Variants in PTPRE observed in about 807,000 individuals in gnomAD.
PTPRE encodes protein tyrosine phosphatase receptor type E, also known as receptor-type tyrosine-protein phosphatase epsilon.
In PTPRE, 51 loss-of-function variants were observed where a neutral mutation model predicts 102.0. That is an observed-to-expected ratio of 0.50 (90% CI 0.40 to 0.63). The LOEUF is 0.63. PTPRE is among the 30% of genes least tolerant of loss of function. The pLI is 0.00. For synonymous variants in PTPRE, 345 were observed against 348.2 expected (o/e 0.99, Z 0.10); for missense variants, 752 against 915.1 (o/e 0.82, Z 2.30).
At chr10:127,932,173 GTCC>G (rs1416535310) in intron 1 of PTPRE, among the ~76,000 whole-genome samples, 2 of 152,066 alleles carry the variant, frequency 1.3e-5, no homozygotes, top group Non-Finnish European at 2.9e-5. Context: ...ACTTATGATT[GTCC>G]TCCTCGAATC....
chr10:127,969,427 G>T (rs1850515687), intron 1 of PTPRE, among the ~76,000 whole-genome samples: 1 of 152,142 alleles, frequency 6.6e-6, no homozygotes, highest in African/African-American at 2.4e-5. Flanking sequence ...CAGCACTTTG[G>T]GAGGCTGAGA....
chr10:128,053,716 T>G (rs1230315465), intron 6 of PTPRE, among the ~76,000 whole-genome samples: 3 of 152,214 alleles, frequency 2.0e-5, no homozygotes, highest in Non-Finnish European at 1.5e-5. Flanking sequence ...ATCCTCGCCA[T>G]CCAATCCCTC....
chr10:127,991,547 A>T (rs1852658363), intron 2 of PTPRE, among the ~76,000 whole-genome samples: 1 of 152,202 alleles, frequency 6.6e-6, no homozygotes, highest in African/African-American at 2.4e-5. Flanking sequence ...TGCTCTCTAG[A>T]AAAGGAGCCT....
intron 17 of PTPRE, 119 bp from the exon 18 acceptor site, chr10:128,076,480 GTTTT>G: frequency 5.0e-6 from 4 of 797,922 alleles, no homozygotes; most frequent in Non-Finnish European, 5.4e-6. Flanking sequence ...ATATTCATAT[GTTTT>G]TTTTTTTGGT....
At chr10:127,948,401 C>T (rs1261786487) in intron 1 of PTPRE, among the ~76,000 whole-genome samples, 1 of 152,176 alleles carries the variant, frequency 6.6e-6, no homozygotes, top group Admixed American at 6.5e-5. Flanking sequence ...GGGGCTCACT[C>T]TTGGTGTTGT....
At chr10:128,005,377 C>T (rs1854424203) in intron 2 of PTPRE, among the ~76,000 whole-genome samples, 2 of 152,142 alleles carry the variant, frequency 1.3e-5, no homozygotes, top group Admixed American at 1.3e-4. Flanking sequence ...CCTTAACACC[C>T]ATTCAATCCT....
chr10:128,025,158 C>CAAAAAAAAAAAAAAA (rs71472683), intron 2 of PTPRE, among the ~76,000 whole-genome samples: 19 of 65,766 alleles, frequency 2.9e-4, no homozygotes, highest in African/African-American at 3.9e-4. Flanking sequence ...GATCCTGTCT[C>CAAAAAAAAAAAAAAA]AAAAAAAAAA....
chr10:127,950,242 G>A (rs889609926), intron 1 of PTPRE, among the ~76,000 whole-genome samples: 1 of 152,190 alleles, frequency 6.6e-6, no homozygotes, highest in Non-Finnish European at 1.5e-5. Flanking sequence ...GGAGCCGACT[G>A]AATTTATTGA....
chr10:128,055,383 TA>T (rs1564935147), intron 6 of PTPRE, among the ~76,000 whole-genome samples: 1 of 152,092 alleles, frequency 6.6e-6, no homozygotes, highest in African/African-American at 2.4e-5. Flanking sequence ...TCAGAGGGGA[TA>T]GGGGCCCCGC....
rs369946668 is a variant in PTPRE, at chr10:128,047,020, T to A, written c.110-370T>A. The stretch of plus-strand genomic sequence containing the variant: ...GCCCTAAGAGCTGAGCTACGCCGAG[T>A]CAGCCTCCCGCGCTGTCCTAGGACC... On this transcript the variant is annotated intron_variant, in intron 3 of 20. Coordinates refer to ENST00000254667, the MANE Select transcript of PTPRE (RefSeq NM_006504.6). Among the ~76,000 whole-genome samples, 291 of 152,228 alleles carry A rather than the reference T, an allele frequency of 1.9e-3. 1 individual carries two copies. Among genetic ancestry groups the A allele is most frequent in the Middle Eastern group, 6.8e-3 (2 of 294 alleles).
intron 2 of PTPRE, chr10:127,998,191 T>C (rs2135540352): frequency 6.6e-6 from 1 of 152,350 alleles, no homozygotes; most frequent in African/African-American, 2.4e-5. Flanking sequence ...CAATGATTGT[T>C]TCAGAAATTC....
chr10:127,932,765 C>T (rs1229961361), intron 1 of PTPRE, among the ~76,000 whole-genome samples: 1 of 151,968 alleles, frequency 6.6e-6, no homozygotes, highest in Non-Finnish European at 1.5e-5. Context: ...TGGTTCTCTG[C>T]TCATCGTCTC....
intron 4 of PTPRE, 22 bp downstream of exon 4, chr10:128,047,511 G>C (rs771969919): frequency 6.2e-7 from 1 of 1,613,028 alleles, no homozygotes; most frequent in East Asian, 2.2e-5. Flanking sequence ...CCGGGGCACT[G>C]ACTTGCCCCA....
intron 2 of PTPRE, among the ~76,000 whole-genome samples, chr10:128,014,503 C>G (rs772548395): frequency 2.6e-5 from 4 of 152,072 alleles, no homozygotes; most frequent in South Asian, 2.1e-4. Context: ...GATATTTACA[C>G]AAGAGACCCA....
At chr10:127,978,248 A>G (rs1355714972) in intron 1 of PTPRE, among the ~76,000 whole-genome samples, 3 of 152,140 alleles carry the variant, frequency 2.0e-5, no homozygotes, top group Non-Finnish European at 4.4e-5. Context: ...AAAAAAAACA[A>G]GCAGACAAGC....
At chr10:128,002,545 G>A (rs1854034294) in intron 2 of PTPRE, among the ~76,000 whole-genome samples, 1 of 152,132 alleles carries the variant, frequency 6.6e-6, no homozygotes, top group Non-Finnish European at 1.5e-5. Flanking sequence ...GATACAGGAA[G>A]GGCCAGGGCC....
At chr10:127,963,687 T>C (rs938805729) in intron 1 of PTPRE, among the ~76,000 whole-genome samples, 1 of 152,032 alleles carries the variant, frequency 6.6e-6, no homozygotes, top group Admixed American at 6.5e-5. Flanking sequence ...TGTGTGTGTG[T>C]GCATGCATGC....
chr10:127,988,383 G>A (rs187376747), intron 2 of PTPRE, among the ~76,000 whole-genome samples: 15 of 141,460 alleles, frequency 1.1e-4, no homozygotes, highest in East Asian at 8.2e-4. Context: ...TGGGCTCTTC[G>A]CAAACTTTGC....
At chr10:127,912,682 G>A (rs953818628) in intron 1 of PTPRE, among the ~76,000 whole-genome samples, 3 of 152,238 alleles carry the variant, frequency 2.0e-5, no homozygotes, top group Non-Finnish European at 4.4e-5. Context: ...TGATCCAATG[G>A]AAGGGCTAGC....
Sources: allele counts gnomAD v4.1 joint callset (sites outside exome capture counted in the v4.1 genomes callset), GRCh38; gene constraint gnomAD v4.1.1; transcripts MANE v1.5; gene names NCBI Gene and HGNC (gene_info 2026-07-23, HGNC 2026-07-21).